The following ASCC3 variants were observed in gnomAD, a reference collection of about 807,000 sequenced individuals.
The protein encoded by ASCC3 is activating signal cointegrator 1 complex subunit 3, also known as ASC-1 complex subunit P200.
A neutral mutation model predicts 256.3 loss-of-function variants in ASCC3; 158 were observed. That is an observed-to-expected ratio of 0.62 (90% CI 0.54 to 0.70). The LOEUF (loss-of-function observed/expected upper bound fraction) is 0.70. ASCC3 is among the 30% of genes least tolerant of loss of function. The pLI is 0.00. For synonymous variants in ASCC3, 948 were observed against 883.4 expected (o/e 1.07, Z -1.30); for missense variants, 2,259 against 2,626.0 (o/e 0.86, Z 3.05).
chr6:100,532,949 A>T (rs1774987598), intron 37 of ASCC3, among the ~76,000 whole-genome samples: 2 of 152,166 alleles, frequency 1.3e-5, no homozygotes, highest in Non-Finnish European at 2.9e-5. Flanking sequence ...GAGAATTTCA[A>T]TTATGAAACA....
At chr6:100,733,103 T>C (rs74404200) in intron 10 of ASCC3, among the ~76,000 whole-genome samples, 2,202 of 152,298 alleles carry the variant, frequency 0.014, 46 homozygotes, top group African/African-American at 0.051. Flanking sequence ...TGTGATTATA[T>C]ATAAAACCTT....
chr6:100,549,671 T>C (rs1344191990), intron 36 of ASCC3, among the ~76,000 whole-genome samples: 1 of 151,726 alleles, frequency 6.6e-6, no homozygotes, highest in Non-Finnish European at 1.5e-5. Context: ...CCTTGCCAAC[T>C]GGTTTAAGAA....
At chr6:100,672,694 G>T (rs1242039947) in intron 14 of ASCC3, among the ~76,000 whole-genome samples, 1 of 152,030 alleles carries the variant, frequency 6.6e-6, no homozygotes, top group Non-Finnish European at 1.5e-5. Context: ...ATCTGTAGTA[G>T]TAGCTCTGGA....
intron 13 of ASCC3, among the ~76,000 whole-genome samples, chr6:100,688,043 A>C (rs1777667058): frequency 1.3e-5 from 2 of 152,064 alleles, no homozygotes; most frequent in South Asian, 4.1e-4. Flanking sequence ...ATACCTGAAA[A>C]ATTATTTTTA....
At chr6:100,519,448 T>G (rs1398231126) in intron 37 of ASCC3, among the ~76,000 whole-genome samples, 1 of 152,142 alleles carries the variant, frequency 6.6e-6, no homozygotes, top group East Asian at 1.9e-4. Context: ...CCACTTATAT[T>G]CTTCCTTTTT....
chr6:100,753,064 G>A (rs1781008905), intron 10 of ASCC3, among the ~76,000 whole-genome samples: 1 of 151,944 alleles, frequency 6.6e-6, no homozygotes, highest in African/African-American at 2.4e-5. Context: ...AAATTATATG[G>A]CTCTAACCTG....
intron 10 of ASCC3, among the ~76,000 whole-genome samples, chr6:100,748,204 T>C (rs12212435): frequency 0.48 from 73,133 of 151,492 alleles, 17,681 homozygotes; most frequent in South Asian, 0.68. Context: ...AATAATCTAC[T>C]TTTTCTTTTG....
At chr6:100,852,363 A>C (rs1435425094) in intron 3 of ASCC3, among the ~76,000 whole-genome samples, 1 of 152,184 alleles carries the variant, frequency 6.6e-6, no homozygotes, top group Non-Finnish European at 1.5e-5. Context: ...ACGGCTTTGG[A>C]CAACGCGTGT....
In ASCC3 at chr6:100,512,811, C is replaced by A; in HGVS notation, c.6183G>T (p.Leu2061=). 1 of 1,614,076 alleles carries A rather than the reference C, an allele frequency of 6.2e-7. No homozygotes were observed. The highest frequency in any genetic ancestry group is 1.1e-5 in the South Asian group (1 of 91,066). ...EGHNELSVST[L]TADKRDDNKW... is the part of the protein sequence containing the mutation. Reference sequence around the variant, plus strand: ...TGTTGTCATCTCGTTTGTCTGCAGTCAGAGTTGAGACAGAGAGTTCATTAT... The same window carrying A: ...TGTTGTCATCTCGTTTGTCTGCAGTAAGAGTTGAGACAGAGAGTTCATTAT... The change falls in exon 40 of 42, where the codon CTG becomes CTT. Residue 2061 remains leucine, a synonymous_variant. Transcript: ENST00000369162.
At chr6:100,576,802 T>C (rs1770889481) in intron 36 of ASCC3, among the ~76,000 whole-genome samples, 2 of 151,900 alleles carry the variant, frequency 1.3e-5, no homozygotes, top group African/African-American at 4.8e-5. Context: ...TAGAGTATTT[T>C]ACTATCATTT....
intron 10 of ASCC3, among the ~76,000 whole-genome samples, chr6:100,743,340 T>C (rs1780521391): frequency 6.6e-6 from 1 of 152,188 alleles, no homozygotes; most frequent in South Asian, 2.1e-4. Flanking sequence ...TTCATTCCGC[T>C]TCATGATTGC....
rs1169558095 is a variant in ASCC3, at chr6:100,608,731, TTATATATATATATATA to T, written c.4786-1659_4786-1644del. Among the ~76,000 whole-genome samples the T allele has an allele frequency of 4.1e-3, 11 of 2,712 alleles. 2 individuals are homozygous for T. Among genetic ancestry groups the T allele is most frequent in the South Asian group, 0.033 (4 of 120 alleles). 1.8% of individuals were successfully genotyped at this position (2,712 alleles called of 152,430 possible). On this transcript the variant is annotated intron_variant, in intron 30 of 41. Coordinates refer to ENST00000369162, the MANE Select transcript of ASCC3 (RefSeq NM_006828.4). ...TATATATATTTTATATATATATACTTTATATATATATATATATATATATATATATATATATATACTT... is the reference window on the plus strand; with the variant it reads ...TATATATATTTTATATATATATACTTTATATATATATATATATATATACTT...
At chr6:100,700,690 A>T (rs1415212148) in intron 13 of ASCC3, among the ~76,000 whole-genome samples, 3 of 152,190 alleles carry the variant, frequency 2.0e-5, no homozygotes, top group Non-Finnish European at 2.9e-5. Flanking sequence ...GTCAAAGGAG[A>T]TCATTTTGGA....
At chr6:100,743,251 G>C (rs554626217) in intron 10 of ASCC3, among the ~76,000 whole-genome samples, 3 of 152,276 alleles carry the variant, frequency 2.0e-5, no homozygotes, top group Admixed American at 2.0e-4. Flanking sequence ...CATTATCCAT[G>C]GGTTGAGTTG....
At chr6:100,704,587 ATAAAT>A (rs1163033803) in intron 13 of ASCC3, among the ~76,000 whole-genome samples, 1 of 152,048 alleles carries the variant, frequency 6.6e-6, no homozygotes, top group Non-Finnish European at 1.5e-5. Context: ...TCAGATAGTA[ATAAAT>A]TAATCTATAA....
intron 36 of ASCC3, among the ~76,000 whole-genome samples, chr6:100,587,573 A>G (rs1230190387): frequency 6.6e-6 from 1 of 152,222 alleles, no homozygotes; most frequent in Non-Finnish European, 1.5e-5. Flanking sequence ...GCGCAAGCTG[A>G]AAGTTCCTTG....
At chr6:100,809,008 G>A (rs573500881) in intron 4 of ASCC3, among the ~76,000 whole-genome samples, 1 of 151,966 alleles carries the variant, frequency 6.6e-6, no homozygotes, top group South Asian at 2.1e-4. Context: ...TGGTATAACT[G>A]TATACTTGAA....
intron 4 of ASCC3, among the ~76,000 whole-genome samples, chr6:100,813,222 G>A (rs535842035): frequency 2.3e-4 from 35 of 152,218 alleles, no homozygotes; most frequent in Non-Finnish European, 3.7e-4. Flanking sequence ...TTGGGAGGCC[G>A]AAGCGGGAGG....
chr6:100,625,604 A>G (rs1276372171), intron 29 of ASCC3, among the ~76,000 whole-genome samples: 1 of 152,042 alleles, frequency 6.6e-6, no homozygotes, highest in African/African-American at 2.4e-5. Flanking sequence ...TTGCCAAGGA[A>G]GGAGAAACTT....
Sources: allele counts gnomAD v4.1 joint callset (sites outside exome capture counted in the v4.1 genomes callset), GRCh38; gene constraint gnomAD v4.1.1; transcripts MANE v1.5; gene names NCBI Gene and HGNC (gene_info 2026-07-23, HGNC 2026-07-21).